Variants in SYT6 observed in about 807,000 individuals in gnomAD.
SYT6 encodes synaptotagmin 6.
Under a neutral mutation model 38.4 loss-of-function variants are expected in SYT6, and 24 were observed. The observed-to-expected ratio is 0.62, with a 90% CI of 0.45 to 0.88. The LOEUF is 0.88. Among genes scored for constraint, SYT6 ranks in the 40% least tolerant of loss-of-function variants. The probability of loss-of-function intolerance (pLI) is 0.00; values close to 1 mark genes in which losing one functional copy is unlikely to be tolerated. For synonymous variants in SYT6, 265 were observed against 241.9 expected (o/e 1.10, Z -0.89); for missense variants, 611 against 621.0 (o/e 0.98, Z 0.17).
In SYT6 at chr1:114,090,330, C is replaced by A. The variant is rs1399435912; in HGVS notation, c.*1804G>T. On this transcript the variant is annotated 3_prime_UTR_variant, in exon 8 of 8. Coordinates refer to ENST00000610222, the MANE Select transcript of SYT6 (RefSeq NM_001253772.2). ...TCTGGGGAGAAAAGTCATCTTTACA[C>A]ATGAGTCCCTAGCCTAAGGCTCAGT... 1 of 152,380 alleles carries A rather than the reference C, an allele frequency of 6.6e-6. No individual in the cohort carries two copies. The highest frequency in any genetic ancestry group is 1.5e-5 in the Non-Finnish European group (1 of 68,048). 9.4% of individuals were successfully genotyped at this position (152,380 alleles called of 1,614,324 possible).
intron 3 of SYT6, among the ~76,000 whole-genome samples, chr1:114,112,266 G>A (rs1337222388): frequency 3.9e-5 from 6 of 152,212 alleles, no homozygotes; most frequent in African/African-American, 7.2e-5. Context: ...AGCGGTGCAC[G>A]GAGGACGTGG....
chr1:114,117,436 AG>A (rs1468925932), intron 3 of SYT6, among the ~76,000 whole-genome samples: 2 of 152,234 alleles, frequency 1.3e-5, no homozygotes, highest in Non-Finnish European at 2.9e-5. Context: ...CTGAGGGGCC[AG>A]GTGTGCCCCA....
At chr1:114,099,024 A>G in intron 5 of SYT6, 70 bp downstream of exon 5, 1 of 1,495,676 alleles carries the variant, frequency 6.7e-7, no homozygotes, top group South Asian at 1.3e-5. Flanking sequence ...GTCTAAGGTC[A>G]AGGAGCCCTG....
At chr1:114,139,525 G>T in intron 2 of SYT6, 90 bp downstream of exon 2, 3 of 1,535,022 alleles carry the variant, frequency 2.0e-6, no homozygotes, top group Non-Finnish European at 2.6e-6. Flanking sequence ...ATTATTTCTG[G>T]TCTGTGATCC....
At chr1:114,129,040 T>C (rs1053931229) in intron 3 of SYT6, among the ~76,000 whole-genome samples, 1 of 152,186 alleles carries the variant, frequency 6.6e-6, no homozygotes, top group African/African-American at 2.4e-5. Context: ...ATCTCAAATA[T>C]GACATGTCCA....
intron 7 of SYT6, among the ~76,000 whole-genome samples, chr1:114,093,531 G>T (rs1470163385): frequency 6.6e-6 from 1 of 152,142 alleles, no homozygotes; most frequent in African/African-American, 2.4e-5. Context: ...TCTTGTTCTC[G>T]CAAATAAGAA....
In SYT6 at chr1:114,091,756, T is replaced by TTC. The variant is rs200505309; in HGVS notation, c.*377_*378insGA. The TTC allele has an allele frequency of 2.0e-5, 7 of 347,064 alleles. No homozygotes were observed. Among genetic ancestry groups the TTC allele is most frequent in the Admixed American group, 1.9e-4 (4 of 20,928 alleles). 21.5% of individuals were successfully genotyped at this position (347,064 alleles called of 1,614,324 possible). ...TGTCTTTTCCTACTCTTTTTTTTTT[T>TTC]CCCTTTTCTTACCAGCAGACCCATA... On this transcript the variant is annotated 3_prime_UTR_variant, in exon 8 of 8. Transcript: ENST00000610222.
At chr1:114,122,506 T>TGTGTGTGTGAGCGC (rs60780339) in intron 3 of SYT6, among the ~76,000 whole-genome samples, 17 of 147,288 alleles carry the variant, frequency 1.2e-4, no homozygotes, top group Admixed American at 1.1e-3. Flanking sequence ...TGTGTGTGTG[T>TGTGTGTGTGAGCGC]GCGCGCACAT....
intron 1 of SYT6, among the ~76,000 whole-genome samples, chr1:114,145,510 T>C (rs201262651): frequency 8.7e-6 from 1 of 115,528 alleles, no homozygotes; most frequent in Non-Finnish European, 1.7e-5. Context: ...AAGTTTTTTT[T>C]TTTTTTTTTT....
chr1:114,089,520 G>A lies in SYT6; in HGVS notation c.*2614C>T, dbSNP rs1407391939. 6.6e-6 allele frequency: 1 copy of A among 152,356 alleles called. No homozygotes were observed. Among genetic ancestry groups the A allele is most frequent in the East Asian group, 1.9e-4 (1 of 5,344 alleles). The allele number at this position is 152,356 out of a possible 1,614,324, so 9.4% of individuals were successfully genotyped here. On this transcript the variant is annotated 3_prime_UTR_variant, in exon 8 of 8. Transcript: ENST00000610222. ...AAAAAACCTATGTGCAAATGGCCCT[G>A]GTTATCACAACTTCATCAAAGCTCA... is the stretch of plus-strand genomic sequence containing the variant.
chr1:114,151,795 G>T (rs750727269), intron 1 of SYT6, among the ~76,000 whole-genome samples: 2 of 152,154 alleles, frequency 1.3e-5, no homozygotes, highest in African/African-American at 2.4e-5. Context: ...TGTATGCGTG[G>T]TGTAGGAGGG....
intron 5 of SYT6, among the ~76,000 whole-genome samples, chr1:114,098,512 A>T (rs948836791): frequency 1.1e-4 from 16 of 152,130 alleles, no homozygotes; most frequent in African/African-American, 3.9e-4. Flanking sequence ...AAAATATCTG[A>T]GGAAGGGGAG....
chr1:114,103,460 G>C, intron 4 of SYT6, 141 bp downstream of exon 4: 1 of 1,179,814 alleles, frequency 8.5e-7, no homozygotes, highest in Non-Finnish European at 1.2e-6. Context: ...GGCAGAACTG[G>C]AATTCGAATC....
At chr1:114,118,601 G>A (rs1024104579) in intron 3 of SYT6, among the ~76,000 whole-genome samples, 8 of 152,224 alleles carry the variant, frequency 5.3e-5, no homozygotes, top group African/African-American at 1.7e-4. Context: ...CAGGCCCTCC[G>A]GCGGGGTGTC....
intron 1 of SYT6, among the ~76,000 whole-genome samples, chr1:114,150,730 T>C (rs1250048084): frequency 6.6e-6 from 1 of 152,228 alleles, no homozygotes; most frequent in Non-Finnish European, 1.5e-5. Flanking sequence ...CTTATTAGTG[T>C]TCACTTGGGG....
intron 3 of SYT6, among the ~76,000 whole-genome samples, chr1:114,134,076 C>T (rs1678336042): frequency 6.6e-6 from 1 of 152,224 alleles, no homozygotes; most frequent in African/African-American, 2.4e-5. Flanking sequence ...ATTCACATCA[C>T]TTTGGTGAGC....
chr1:114,144,242 C>G (rs555076493), intron 1 of SYT6, among the ~76,000 whole-genome samples: 1 of 152,238 alleles, frequency 6.6e-6, no homozygotes, highest in African/African-American at 2.4e-5. Flanking sequence ...CCTCCACTTC[C>G]TGTTCCCTGT....
At chr1:114,097,900 A>G (rs1675735512) in intron 5 of SYT6, 23 bp from the exon 6 acceptor site, 1 of 1,613,130 alleles carries the variant, frequency 6.2e-7, no homozygotes, top group African/African-American at 1.3e-5. Context: ...CAAAAGTCCC[A>G]GCACTGGCTA....
At chr1:114,140,371 A>G (rs1678797006) in intron 1 of SYT6, among the ~76,000 whole-genome samples, 1 of 152,210 alleles carries the variant, frequency 6.6e-6, no homozygotes, top group Admixed American at 6.5e-5. Flanking sequence ...TTGAATTTCT[A>G]TTAAAGCTGC....
Sources: gnomAD v4.1 joint callset for allele counts (sites outside exome capture counted in the v4.1 genomes callset) on GRCh38, gnomAD v4.1.1 for gene constraint, MANE v1.5 for transcripts, NCBI Gene and HGNC (gene_info 2026-07-23, HGNC 2026-07-21) for gene names.